The following WNT1 variants were observed in gnomAD, a reference collection of about 807,000 sequenced individuals.
The protein encoded by WNT1 is Wnt family member 1, also known as proto-oncogene Wnt-1.
Under a neutral mutation model 21.3 loss-of-function variants are expected in WNT1, and 10 were observed. The ratio of observed to expected loss-of-function variants is 0.47; its 90% CI spans 0.29 to 0.80. The LOEUF (loss-of-function observed/expected upper bound fraction) is 0.80. WNT1 is among the 30% of genes least tolerant of loss of function. The pLI is 0.09. For synonymous variants in WNT1, 208 were observed against 236.3 expected (o/e 0.88, Z 1.10); for missense variants, 476 against 534.1 (o/e 0.89, Z 1.07).
In WNT1 at chr12:48,981,450, C is replaced by T. The variant is rs1425027070; in HGVS notation, c.923C>T (p.Ala308Val). ...FCTYSGRLGT[A>V]GTAGRACNSS... ...ACGTACAGCGGACGCCTGGGCACAGCAGGCACGGCAGGGCGCGCCTGTAAC... is the reference window on the plus strand; with the variant it reads ...ACGTACAGCGGACGCCTGGGCACAGTAGGCACGGCAGGGCGCGCCTGTAAC... The change falls in exon 4 of 4, where the codon GCA becomes GTA. Residue 308 changes from alanine (A) to valine (V), a missense_variant. Ala to Val is a moderately conservative substitution (Grantham distance 64, BLOSUM62 0). Transcript: ENST00000293549. This position sits in a 1 kb window ranked among gnomAD's most constrained non-coding sequence, Gnocchi z 7.4. 3.2e-6 allele frequency: 5 copies of T among 1,563,256 alleles called. No individual in the cohort carries two copies. The highest frequency in any genetic ancestry group is 1.7e-4 in the Middle Eastern group (1 of 6,022).
At position 48,979,125 on chromosome 12, in the gene WNT1, T is replaced by C. The variant is rs1300948239; in HGVS notation, c.105-343T>C. Among the ~76,000 whole-genome samples, 1 of 152,220 alleles carries C rather than the reference T, an allele frequency of 6.6e-6. No homozygotes were observed. The highest frequency in any genetic ancestry group is 1.9e-4 in the East Asian group (1 of 5,200). On this transcript the variant is annotated intron_variant, in intron 1 of 3. Transcript: ENST00000293549. The surrounding 1 kb of genome is among the most constrained non-coding windows in gnomAD (Gnocchi z 6.0). ...GGAGGGGAGAAGAGGGTGGGACTCC[T>C]AAGCATTTCACGCCTTGGGTGGGCA...
chr12:48,981,272 C>T lies in WNT1; in HGVS notation c.745C>T (p.Arg249Cys). 1.2e-6 allele frequency: 2 copies of T among 1,603,982 alleles called. No individual in the cohort carries two copies. The highest frequency in any genetic ancestry group is 8.5e-7 in the Non-Finnish European group (1 of 1,175,606). Residue 249 changes from arginine (R) to cysteine (C), a missense_variant, in exon 4 of 4, where the codon CGC (arginine) becomes TGC (cysteine). Arg to Cys is a radical substitution (Grantham distance 180, BLOSUM62 -3). Coordinates refer to ENST00000293549, the MANE Select transcript of WNT1 (RefSeq NM_005430.4). The surrounding 1 kb of genome is among the most constrained non-coding windows in gnomAD (Gnocchi z 7.4). ...CGCCGTGGGCGATGTGCTGCGCGAC[C>T]GCTTCGACGGCGCCTCGCGCGTCCT... ...LRAVGDVLRD[R>C]FDGASRVLYG...
Position 48,981,615 on chromosome 12 carries a change from C to T in WNT1, c.1088C>T (p.Thr363Met). The change falls in exon 4 of 4, where the codon ACG becomes ATG. Residue 363 changes from threonine (T) to methionine (M), a missense_variant. By Grantham distance (81) the Thr-to-Met change is moderately conservative. Transcript: ENST00000293549. The surrounding 1 kb of genome is among the most constrained non-coding windows in gnomAD (Gnocchi z 7.4). ...GTCAGCTGCCGCAACTGCACGCACACGCGCGTACTGCACGAGTGTCTGTGA... is the reference window on the plus strand; with the variant it reads ...GTCAGCTGCCGCAACTGCACGCACATGCGCGTACTGCACGAGTGTCTGTGA... ...CHVSCRNCTHTRVLHECL is the reference protein window; with the variant it reads ...CHVSCRNCTHMRVLHECL The T allele has an allele frequency of 1.4e-6, 2 of 1,479,308 alleles. No homozygotes were observed. Among genetic ancestry groups the T allele is most frequent in the Non-Finnish European group, 1.8e-6 (2 of 1,118,332 alleles). 91.6% of individuals were successfully genotyped at this position (1,479,308 alleles called of 1,614,324 possible). A position where few individuals can be genotyped will look rare whatever the true frequency, so the allele number is the denominator to read the frequency against.
chr12:48,981,183 A>G lies in WNT1; in HGVS notation c.656A>G (p.Lys219Arg). Residue 219 changes from lysine to arginine, a missense_variant, in exon 4 of 4, where the codon AAG (lysine) becomes AGG (arginine). Coordinates refer to ENST00000293549, the MANE Select transcript of WNT1 (RefSeq NM_005430.4). The surrounding 1 kb of genome is among the most constrained non-coding windows in gnomAD (Gnocchi z 7.4). ...TTCTCCGAGATGCGCCAGGAGTGCA[A>G]GTGCCACGGGATGTCCGGCTCATGC... Reference protein sequence around the residue: ...TVFSEMRQECKCHGMSGSCTV... With the variant: ...TVFSEMRQECRCHGMSGSCTV... The G allele has an allele frequency of 6.2e-7, 1 of 1,612,124 alleles. No homozygotes were observed. Among genetic ancestry groups the G allele is most frequent in the Non-Finnish European group, 8.5e-7 (1 of 1,179,562 alleles).
chr12:48,978,813 C>T lies in WNT1; in HGVS notation c.104+59C>T, dbSNP rs1010122610. The T allele has an allele frequency of 2.3e-5, 27 of 1,191,534 alleles. No individual in the cohort carries two copies. The East Asian group carries it at 5.3e-4, about 23-fold the overall frequency. 73.8% of individuals were successfully genotyped at this position (1,191,534 alleles called of 1,614,324 possible). Reference sequence around the variant, plus strand: ...CGCGGCACAGAGCCAGGGGCCAACCCTACCCAGCTCCCACGCTCTGGGATC... The same window carrying T: ...CGCGGCACAGAGCCAGGGGCCAACCTTACCCAGCTCCCACGCTCTGGGATC... On this transcript the variant is annotated intron_variant, in intron 1 of 3. Coordinates refer to ENST00000293549, the MANE Select transcript of WNT1 (RefSeq NM_005430.4). The surrounding 1 kb of genome is among the most constrained non-coding windows in gnomAD (Gnocchi z 7.4).
chr12:48,978,750 T>C lies in WNT1; in HGVS notation c.100T>C (p.Trp34Arg). ...CCTGGCTGCCAACAGCAGTGGCCGATGGTGGTAAGTGAGCTGGTGCGGGGT... is the reference window on the plus strand; with the variant it reads ...CCTGGCTGCCAACAGCAGTGGCCGACGGTGGTAAGTGAGCTGGTGCGGGGT... Reference protein sequence around the residue: ...AALAANSSGRWWGIVNVASST... With the variant: ...AALAANSSGRRWGIVNVASST... The change falls in exon 1 of 4, where the codon TGG (tryptophan) becomes CGG (arginine). Residue 34 changes from tryptophan (W) to arginine (R), a missense_variant. Trp to Arg is a moderately radical substitution (Grantham distance 101, BLOSUM62 -3). Transcript: ENST00000293549. The surrounding 1 kb of genome is among the most constrained non-coding windows in gnomAD (Gnocchi z 7.4). The C allele has an allele frequency of 6.3e-7, 1 of 1,593,632 alleles. No homozygotes were observed. Among genetic ancestry groups the C allele is most frequent in the Non-Finnish European group, 8.5e-7 (1 of 1,171,734 alleles).
Position 48,979,598 on chromosome 12 carries a change from C to G in WNT1, c.235C>G (p.Leu79Val). The G allele has an allele frequency of 6.2e-7, 1 of 1,614,130 alleles. No homozygotes were observed. Residue 79 changes from leucine to valine, a missense_variant, in exon 2 of 4, where the codon CTG (leucine) becomes GTG (valine). Physicochemically the swap from Leu to Val is conservative, Grantham distance 32. Transcript: ENST00000293549. The surrounding 1 kb of genome is among the most constrained non-coding windows in gnomAD (Gnocchi z 6.0). ...TCTGATACGCCAAAATCCGGGGATC[C>G]TGCACAGCGTGAGTGGGGGGCTGCA... Reference protein sequence around the residue: ...RRLIRQNPGILHSVSGGLQSA... With the variant: ...RRLIRQNPGIVHSVSGGLQSA...
chr12:48,980,309 C>A lies in WNT1; in HGVS notation c.359-115C>A. On this transcript the variant is annotated intron_variant, in intron 2 of 3. Coordinates refer to ENST00000293549, the MANE Select transcript of WNT1 (RefSeq NM_005430.4). The surrounding 1 kb of genome is among the most constrained non-coding windows in gnomAD (Gnocchi z 7.0). ...AGCTTTCCAGCACTGCCGGCCCTGG[C>A]TCTCAGGACTCAAAGTGCGGAGTCG... The A allele has an allele frequency of 1.6e-6, 2 of 1,234,476 alleles. No homozygotes were observed. Among genetic ancestry groups the A allele is most frequent in the Non-Finnish European group, 2.3e-6 (2 of 873,006 alleles). 76.5% of individuals were successfully genotyped at this position (1,234,476 alleles called of 1,614,324 possible). A position where few individuals can be genotyped will look rare whatever the true frequency, so the allele number is the denominator to read the frequency against.
Position 48,979,618 on chromosome 12 carries a change from G to A in WNT1, c.255G>A (p.Gly85=), listed in dbSNP as rs765605638. ...GGATCCTGCACAGCGTGAGTGGGGG[G>A]CTGCAGAGTGCCGTGCGCGAGTGCA... ...NPGILHSVSG[G]LQSAVRECKW... is the part of the protein sequence containing the mutation. Residue 85 remains glycine (G), a synonymous_variant, in exon 2 of 4, where the codon GGG becomes GGA. Transcript: ENST00000293549. This position sits in a 1 kb window ranked among gnomAD's most constrained non-coding sequence, Gnocchi z 6.0. 2.5e-6 allele frequency: 4 copies of A among 1,613,942 alleles called. No individual in the cohort carries two copies. The highest frequency in any genetic ancestry group is 2.2e-5 in the South Asian group (2 of 91,092).
Position 48,980,693 on chromosome 12 carries a change from A to G in WNT1, c.624+4A>G, listed in dbSNP as rs387907354. The G allele has an allele frequency of 1.3e-6, 2 of 1,534,098 alleles. No homozygotes were observed. Among genetic ancestry groups the G allele is most frequent in the South Asian group, 1.3e-5 (1 of 77,682 alleles). ...CAACAACGAGGCAGGCCGTACGGTG[A>G]GCTTTGAGAGGCTCCGCACCCTAAG... is the stretch of plus-strand genomic sequence containing the variant. On this transcript the variant is annotated splice_donor_region_variant and intron_variant, in intron 3 of 3. Transcript: ENST00000293549. This position sits in a 1 kb window ranked among gnomAD's most constrained non-coding sequence, Gnocchi z 7.0.
In WNT1 at chr12:48,979,829, A is replaced by T; in HGVS notation, c.358+108A>T. 1 of 1,414,472 alleles carries T rather than the reference A, an allele frequency of 7.1e-7. No homozygotes were observed. Among genetic ancestry groups the T allele is most frequent in the Non-Finnish European group, 9.3e-7 (1 of 1,079,666 alleles). 87.6% of individuals were successfully genotyped at this position (1,414,472 alleles called of 1,614,324 possible). ...AGGTGTCCCAGGCGCCTGGAGGGTC[A>T]CACAATCAACCTTGCCAAGTGCCTC... On this transcript the variant is annotated intron_variant, in intron 2 of 3. Transcript: ENST00000293549. The surrounding 1 kb of genome is among the most constrained non-coding windows in gnomAD (Gnocchi z 6.0).
Position 48,978,811 on chromosome 12 carries a change from C to T in WNT1, c.104+57C>T. 1.6e-6 allele frequency: 2 copies of T among 1,213,166 alleles called. No individual in the cohort carries two copies. The highest frequency in any genetic ancestry group is 1.4e-5 in the South Asian group (1 of 71,410). The allele number at this position is 1,213,166 out of a possible 1,614,324, so 75.2% of individuals were successfully genotyped here. A position where few individuals can be genotyped will look rare whatever the true frequency, so the allele number is the denominator to read the frequency against. On this transcript the variant is annotated intron_variant, in intron 1 of 3. Coordinates refer to ENST00000293549, the MANE Select transcript of WNT1 (RefSeq NM_005430.4). This position sits in a 1 kb window ranked among gnomAD's most constrained non-coding sequence, Gnocchi z 7.4. ...CCCGCGGCACAGAGCCAGGGGCCAA[C>T]CCTACCCAGCTCCCACGCTCTGGGA...
Position 48,980,377 on chromosome 12 carries a change from C to A in WNT1, c.359-47C>A. The A allele has an allele frequency of 6.2e-7, 1 of 1,610,206 alleles. No homozygotes were observed. Among genetic ancestry groups the A allele is most frequent in the Non-Finnish European group, 8.5e-7 (1 of 1,177,408 alleles). On this transcript the variant is annotated intron_variant, in intron 2 of 3. Transcript: ENST00000293549. This position sits in a 1 kb window ranked among gnomAD's most constrained non-coding sequence, Gnocchi z 7.0. ...CCAAGCCCTTCATGAGGGTGCTGGC[C>A]GCGCCCCGCGTACCCCCTCGCTGAT...
Position 48,981,401 on chromosome 12 carries a change from T to C in WNT1, c.874T>C (p.Phe292Leu), listed in dbSNP as rs1410936046. 6.3e-7 allele frequency: 1 copy of C among 1,581,254 alleles called. No individual in the cohort carries two copies. ...KPPSPHDLVY[F>L]EKSPNFCTYS... ...GCCCTCCCCCCACGACCTCGTCTACTTCGAGAAATCGCCCAACTTCTGCAC... is the reference window on the plus strand; with the variant it reads ...GCCCTCCCCCCACGACCTCGTCTACCTCGAGAAATCGCCCAACTTCTGCAC... Residue 292 changes from phenylalanine (F) to leucine (L), a missense_variant, in exon 4 of 4, where the codon TTC becomes CTC. Physicochemically the swap from Phe to Leu is conservative, Grantham distance 22 (BLOSUM62 0). Transcript: ENST00000293549. The surrounding 1 kb of genome is among the most constrained non-coding windows in gnomAD (Gnocchi z 7.4).
Position 48,981,629 on chromosome 12 carries a change from G to A in WNT1, c.1102G>A (p.Glu368Lys), listed in dbSNP as rs1223353274. The stretch of plus-strand genomic sequence containing the variant: ...CTGCACGCACACGCGCGTACTGCAC[G>A]AGTGTCTGTGAGGCGCTGCGCGGAC... ...RNCTHTRVLH[E>K]CL is the part of the protein sequence containing the mutation. Residue 368 changes from glutamate (E) to lysine (K), a missense_variant, in exon 4 of 4, where the codon GAG becomes AAG. Glu to Lys is a moderately conservative substitution (Grantham distance 56). Coordinates refer to ENST00000293549, the MANE Select transcript of WNT1 (RefSeq NM_005430.4). This position sits in a 1 kb window ranked among gnomAD's most constrained non-coding sequence, Gnocchi z 7.4. 26 of 1,456,038 alleles carry A rather than the reference G, an allele frequency of 1.8e-5. No homozygotes were observed. Among genetic ancestry groups the A allele is most frequent in the Non-Finnish European group, 2.3e-5 (26 of 1,107,028 alleles). 90.2% of individuals were successfully genotyped at this position (1,456,038 alleles called of 1,614,324 possible).
chr12:48,981,216 G>T lies in WNT1; in HGVS notation c.689G>T (p.Arg230Leu). The change falls in exon 4 of 4, where the codon CGC becomes CTC. Residue 230 changes from arginine (R) to leucine (L), a missense_variant. Arg to Leu is a moderately radical substitution (Grantham distance 102). Coordinates refer to ENST00000293549, the MANE Select transcript of WNT1 (RefSeq NM_005430.4). This position sits in a 1 kb window ranked among gnomAD's most constrained non-coding sequence, Gnocchi z 7.4. ...GGGATGTCCGGCTCATGCACGGTGC[G>T]CACGTGCTGGATGCGGCTGCCCACG... Reference protein sequence around the residue: ...CHGMSGSCTVRTCWMRLPTLR... With the variant: ...CHGMSGSCTVLTCWMRLPTLR... The T allele has an allele frequency of 6.2e-7, 1 of 1,611,860 alleles. No individual in the cohort carries two copies. The highest frequency in any genetic ancestry group is 2.2e-5 in the East Asian group (1 of 44,654).
chr12:48,978,858 TCC>T lies in WNT1; in HGVS notation c.104+107_104+108del. The T allele has an allele frequency of 1.3e-6, 1 of 798,448 alleles. No homozygotes were observed. The highest frequency in any genetic ancestry group is 1.9e-6 in the Non-Finnish European group (1 of 519,924). 49.5% of individuals were successfully genotyped at this position (798,448 alleles called of 1,614,324 possible). A position where few individuals can be genotyped will look rare whatever the true frequency, so the allele number is the denominator to read the frequency against. On this transcript the variant is annotated intron_variant, in intron 1 of 3. Transcript: ENST00000293549. This position sits in a 1 kb window ranked among gnomAD's most constrained non-coding sequence, Gnocchi z 7.4. The stretch of plus-strand genomic sequence containing the variant: ...GGGATCCGTCTGCCGACAGGCTCCC[TCC>T]CCGCTCTGACTTCCCTCCGCGACAC...
rs766341301 is a variant in WNT1, at chr12:48,981,231, G to T, written c.704G>T (p.Arg235Leu). ...GSCTVRTCWM[R>L]LPTLRAVGDV... ...TGCACGGTGCGCACGTGCTGGATGC[G>T]GCTGCCCACGCTGCGCGCCGTGGGC... Residue 235 changes from arginine to leucine, a missense_variant, in exon 4 of 4, where the codon CGG becomes CTG. By Grantham distance (102) the Arg-to-Leu change is moderately radical (BLOSUM62 -2). Coordinates refer to ENST00000293549, the MANE Select transcript of WNT1 (RefSeq NM_005430.4). The surrounding 1 kb of genome is among the most constrained non-coding windows in gnomAD (Gnocchi z 7.4). The T allele has an allele frequency of 6.2e-7, 1 of 1,610,454 alleles. No individual in the cohort carries two copies. Among genetic ancestry groups the T allele is most frequent in the Non-Finnish European group, 8.5e-7 (1 of 1,178,672 alleles).
chr12:48,980,553 C>G lies in WNT1; in HGVS notation c.488C>G (p.Pro163Arg), dbSNP rs1940996463. ...CDYRRRGPGGPDWHWGGCSDN... is the reference protein window; with the variant it reads ...CDYRRRGPGGRDWHWGGCSDN... ...TACCGGCGGCGCGGCCCCGGGGGCC[C>G]CGACTGGCACTGGGGGGGCTGCAGC... The change falls in exon 3 of 4, where the codon CCC becomes CGC. Residue 163 changes from proline to arginine, a missense_variant. Coordinates refer to ENST00000293549, the MANE Select transcript of WNT1 (RefSeq NM_005430.4). The surrounding 1 kb of genome is among the most constrained non-coding windows in gnomAD (Gnocchi z 7.0). The G allele has an allele frequency of 1.2e-6, 2 of 1,612,220 alleles. No homozygotes were observed. The highest frequency in any genetic ancestry group is 3.3e-5 in the Admixed American group (2 of 59,816).
Sources: gnomAD v4.1 joint callset for allele counts (sites outside exome capture counted in the v4.1 genomes callset) on GRCh38, gnomAD v4.1.1 for gene constraint, Gnocchi (gnomAD v3.1) non-coding constraint, MANE v1.5 for transcripts, NCBI Gene and HGNC (gene_info 2026-07-23, HGNC 2026-07-21) for gene names.